OSBP: variants seen among roughly 807,000 people sequenced by gnomAD.
The protein encoded by OSBP is oxysterol-binding protein 1.
OSBP carries 32 observed loss-of-function variants against 96.6 expected under a neutral mutation model. The observed-to-expected ratio is 0.33, with a 90% CI of 0.25 to 0.45. OSBP has a LOEUF of 0.45. Ranked by LOEUF, OSBP falls within the 20% of genes least tolerant of loss-of-function variation. OSBP has a pLI of 1.00. For synonymous variants in OSBP, 369 were observed against 389.6 expected, an observed-to-expected ratio of 0.95 and a Z score of 0.62; for missense variants, 653 against 1,029.7, an observed-to-expected ratio of 0.63 and a Z score of 5.01.
rs149344306 is a variant in OSBP at position 59,600,259 on chromosome 11, T to C, written c.1311+237A>G. On this transcript the variant is annotated intron_variant, in intron 7 of 13. Coordinates refer to ENST00000263847, the MANE Select transcript of OSBP (RefSeq NM_002556.3). Reference sequence around the variant, plus strand: ...TCCCCAGTGCATCTAGCATAGGAATTTGCTCAAAAATAACTGCTACTGAGC... The same window carrying C: ...TCCCCAGTGCATCTAGCATAGGAATCTGCTCAAAAATAACTGCTACTGAGC... Among the ~76,000 whole-genome samples the C allele has an allele frequency of 1.3e-3, 192 of 152,360 alleles. 3 individuals are homozygous for C. The highest frequency in any genetic ancestry group is 4.4e-3 in the African/African-American group (181 of 41,582).
At chr11:59,599,629 C>A (rs1439382113) in intron 7 of OSBP, among the ~76,000 whole-genome samples, 1 of 152,154 alleles carries the variant, frequency 6.6e-6, no homozygotes, top group Non-Finnish European at 1.5e-5. Flanking sequence ...GACATTTCAT[C>A]CTGACAGGAT....
At chr11:59,606,193 C>T (rs748903848) in intron 3 of OSBP, among the ~76,000 whole-genome samples, 1 of 152,092 alleles carries the variant, frequency 6.6e-6, no homozygotes, top group South Asian at 2.1e-4. Flanking sequence ...CCATATCTGC[C>T]CTCAGCAATA....
intron 2 of OSBP, 132 bp from the exon 3 acceptor site, chr11:59,608,866 T>C: frequency 1.2e-6 from 1 of 838,500 alleles, no homozygotes; most frequent in Non-Finnish European, 1.9e-6. Flanking sequence ...AACTTGCCAT[T>C]ACCAGATGGT....
At chr11:59,587,726 G>C (rs1003768890) in intron 9 of OSBP, among the ~76,000 whole-genome samples, 1 of 152,220 alleles carries the variant, frequency 6.6e-6, no homozygotes, top group Admixed American at 6.5e-5. Flanking sequence ...TGCACTGTTG[G>C]TGGGAATGTA....
rs143837224 is a variant in OSBP, at chr11:59,601,239, G to A, written c.1124+44C>T. The stretch of plus-strand genomic sequence containing the variant: ...GATGCTAAAATACCACCATATTGAT[G>A]GTGAAGATATGTTTATTTGCTTCAA... On this transcript the variant is annotated intron_variant, in intron 5 of 13. Coordinates refer to ENST00000263847, the MANE Select transcript of OSBP (RefSeq NM_002556.3). 9.3e-6 allele frequency: 10 copies of A among 1,074,562 alleles called. No homozygotes were observed. The East Asian group carries it at 1.9e-4, about 20-fold the overall frequency. The allele number at this position is 1,074,562 out of a possible 1,614,324, so 66.6% of individuals were successfully genotyped here.
At chr11:59,600,098 C>T (rs939146192) in intron 7 of OSBP, among the ~76,000 whole-genome samples, 8 of 152,168 alleles carry the variant, frequency 5.3e-5, no homozygotes, top group African/African-American at 1.7e-4. Flanking sequence ...CTTCTGTGTT[C>T]CCTAAGCCTT....
chr11:59,583,241 G>A (rs987550737), intron 9 of OSBP, among the ~76,000 whole-genome samples: 1 of 152,140 alleles, frequency 6.6e-6, no homozygotes, highest in Non-Finnish European at 1.5e-5. Flanking sequence ...GAACCCAGGA[G>A]GCGGAGGTTG....
chr11:59,599,822 G>A (rs185697818), intron 7 of OSBP, among the ~76,000 whole-genome samples: 128 of 152,316 alleles, frequency 8.4e-4, no homozygotes, highest in African/African-American at 3.0e-3. Context: ...CTAATGACTA[G>A]AACTTGGGAT....
At chr11:59,587,480 T>A (rs528187806) in intron 9 of OSBP, among the ~76,000 whole-genome samples, 271 of 149,676 alleles carry the variant, frequency 1.8e-3, no homozygotes, top group Admixed American at 3.0e-3. Context: ...CCAGACTGGA[T>A]GACAGTGCGA....
intron 9 of OSBP, among the ~76,000 whole-genome samples, chr11:59,590,022 C>A (rs771970517): frequency 8.6e-5 from 13 of 152,042 alleles, no homozygotes; most frequent in Admixed American, 7.9e-4. Context: ...CTTAAAATAG[C>A]CTTCATTATT....
chr11:59,604,694 CTG>C (rs1860758787), intron 3 of OSBP, among the ~76,000 whole-genome samples: 1 of 151,634 alleles, frequency 6.6e-6, no homozygotes, highest in Admixed American at 6.6e-5. Context: ...AAGCAAGACT[CTG>C]TCTCAAAAAA....
At chr11:59,598,079 G>A (rs770311725) in intron 7 of OSBP, among the ~76,000 whole-genome samples, 1 of 152,120 alleles carries the variant, frequency 6.6e-6, no homozygotes, top group Non-Finnish European at 1.5e-5. Context: ...GACTCAAGCA[G>A]TCCTCCTGCC....
intron 1 of OSBP, among the ~76,000 whole-genome samples, chr11:59,613,555 C>CAATATTAATATATTG (rs542880832): frequency 5.0e-4 from 76 of 152,128 alleles, no homozygotes; most frequent in Non-Finnish European, 4.4e-5. Flanking sequence ...TGACTTGCGA[C>CAATATTAATATATTG]ACAAGTCAGG....
At chr11:59,598,976 A>G (rs7116567) in intron 7 of OSBP, among the ~76,000 whole-genome samples, 26,049 of 152,198 alleles carry the variant, frequency 0.17, 4,087 homozygotes, top group African/African-American at 0.41. Flanking sequence ...AAGCTGGAGC[A>G]GCCACTTTGG....
Position 59,576,423 on chromosome 11 carries a change from GT to G in OSBP, c.*153del. 1 of 802,832 alleles carries G rather than the reference GT, an allele frequency of 1.2e-6. No homozygotes were observed. The highest frequency in any genetic ancestry group is 2.0e-6 in the Non-Finnish European group (1 of 505,344). The allele number at this position is 802,832 out of a possible 1,614,324, so 49.7% of individuals were successfully genotyped here. ...GGCAACCAGCCAATCACCACCACTGGTGTCTCCTTCTGGTGATTGATTTGGA... is the reference window on the plus strand; with the variant it reads ...GGCAACCAGCCAATCACCACCACTGGGTCTCCTTCTGGTGATTGATTTGGA... On this transcript the variant is annotated 3_prime_UTR_variant, in exon 14 of 14. Transcript: ENST00000263847.
intron 9 of OSBP, among the ~76,000 whole-genome samples, chr11:59,589,323 C>T (rs1438032008): frequency 1.4e-5 from 2 of 148,062 alleles, no homozygotes; most frequent in Non-Finnish European, 3.0e-5. Flanking sequence ...TTTGGCCAGG[C>T]GTGGTGGTGC....
Position 59,576,681 on chromosome 11 carries a change from G to A in OSBP, c.2320C>T (p.Arg774Trp), listed in dbSNP as rs778846078. 2.0e-5 allele frequency: 32 copies of A among 1,613,788 alleles called. No individual in the cohort carries two copies. The highest frequency in any genetic ancestry group is 2.7e-5 in the African/African-American group (2 of 74,812). ...TCCTTGGTAACAGGGTCCTTCTTCCGCTCAAACCACAGTGCCTTATAGGGA... is the reference window on the plus strand; with the variant it reads ...TCCTTGGTAACAGGGTCCTTCTTCCACTCAAACCACAGTGCCTTATAGGGA... ...YDPYKALWFERKKDPVTKELT... is the reference protein window; with the variant it reads ...YDPYKALWFEWKKDPVTKELT... The change falls in exon 14 of 14, where the codon CGG (arginine) becomes TGG (tryptophan). Residue 774 changes from arginine (R) to tryptophan (W), a missense_variant. Arg to Trp is a moderately radical substitution (Grantham distance 101). Around this residue, in one of 6 missense-constraint regions of OSBP, gnomAD observed 169 missense variants for 251.5 expected, o/e 0.67. Coordinates refer to ENST00000263847, the MANE Select transcript of OSBP (RefSeq NM_002556.3).
At chr11:59,611,553 T>C (rs1231143544) in intron 1 of OSBP, among the ~76,000 whole-genome samples, 1 of 152,146 alleles carries the variant, frequency 6.6e-6, no homozygotes, top group Non-Finnish European at 1.5e-5. Context: ...ATGTTTAGAG[T>C]ATTAAATATT....
At chr11:59,605,606 G>A (rs1031004542) in intron 3 of OSBP, among the ~76,000 whole-genome samples, 2 of 151,898 alleles carry the variant, frequency 1.3e-5, no homozygotes, top group Non-Finnish European at 2.9e-5. Context: ...GGCTGGTCTC[G>A]AACTCCTGAC....
Sources: gnomAD v4.1 joint callset for allele counts (sites outside exome capture counted in the v4.1 genomes callset) on GRCh38, gnomAD v4.1.1 for gene constraint, gnomAD v4.1.1 regional missense constraint, MANE v1.5 for transcripts, NCBI Gene and HGNC (gene_info 2026-07-23, HGNC 2026-07-21) for gene names.